CACNA2D3: variants seen among roughly 807,000 people sequenced by gnomAD.
CACNA2D3 encodes voltage-dependent calcium channel subunit alpha-2/delta-3.
CACNA2D3 carries 60 observed loss-of-function variants against 160.6 expected under a neutral mutation model. That is an observed-to-expected ratio of 0.37 (90% CI 0.30 to 0.46). The LOEUF is 0.46. Among genes scored for constraint, CACNA2D3 ranks in the 20% least tolerant of loss-of-function variants. The probability of loss-of-function intolerance (pLI) is 1.00; values close to 1 mark genes in which losing one functional copy is unlikely to be tolerated. For synonymous variants in CACNA2D3, 558 were observed against 492.9 expected, an observed-to-expected ratio of 1.13 and a Z score of -1.75; for missense variants, 1,205 against 1,365.0, an observed-to-expected ratio of 0.88 and a Z score of 1.85.
At chr3:54,385,905 G>A (rs1204222755) in intron 3 of CACNA2D3, 2 of 505,294 alleles carry the variant, frequency 4.0e-6, no homozygotes, top group Non-Finnish European at 7.9e-6. Flanking sequence ...TAATTTCAGT[G>A]AAATATTATT....
intron 11 of CACNA2D3, among the ~76,000 whole-genome samples, chr3:54,745,590 C>G (rs1701739931): frequency 6.6e-6 from 1 of 152,200 alleles, no homozygotes; most frequent in Non-Finnish European, 1.5e-5. Context: ...GCTGGATAGT[C>G]TAATAAATTG....
At chr3:54,911,342 C>T (rs1700550931) in intron 27 of CACNA2D3, among the ~76,000 whole-genome samples, 3 of 72,518 alleles carry the variant, frequency 4.1e-5, no homozygotes, top group African/African-American at 1.5e-4. Flanking sequence ...CCCCCTCCTT[C>T]TTTGTCGTCT....
chr3:54,140,681 C>T lies in CACNA2D3; in HGVS notation c.204+17087C>T, dbSNP rs542991729. On this transcript the variant is annotated intron_variant, in intron 2 of 37. Transcript: ENST00000474759. ...TAGCTGTGTGGCCTTAGGCAAGTCACGTCACCTCTCTGGGTTGCACACCCA... is the reference window on the plus strand; with the variant it reads ...TAGCTGTGTGGCCTTAGGCAAGTCATGTCACCTCTCTGGGTTGCACACCCA... Among the ~76,000 whole-genome samples the T allele has an allele frequency of 5.9e-5, 9 of 152,336 alleles. 1 individual carries two copies. The South Asian group carries it at 6.2e-4, about 11-fold the overall frequency.
At chr3:54,656,636 G>T (rs1699878775) in intron 11 of CACNA2D3, among the ~76,000 whole-genome samples, 1 of 152,160 alleles carries the variant, frequency 6.6e-6, no homozygotes, top group Admixed American at 6.5e-5. Flanking sequence ...AAAATTAGGG[G>T]CCCACAGGCC....
At chr3:54,305,068 T>TG (rs1324496069) in intron 2 of CACNA2D3, among the ~76,000 whole-genome samples, 1 of 152,234 alleles carries the variant, frequency 6.6e-6, no homozygotes, top group Non-Finnish European at 1.5e-5. Flanking sequence ...ACGTAGCAGC[T>TG]GTGGACAAAG....
chr3:54,971,097 T>G (rs760828451), intron 29 of CACNA2D3, among the ~76,000 whole-genome samples: 2 of 151,784 alleles, frequency 1.3e-5, no homozygotes, highest in African/African-American at 4.9e-5. Context: ...ATAATCATTG[T>G]ATGAGTCACA....
intron 13 of CACNA2D3, among the ~76,000 whole-genome samples, chr3:54,768,927 G>A (rs1450064580): frequency 6.6e-6 from 1 of 152,084 alleles, no homozygotes; most frequent in Non-Finnish European, 1.5e-5. Flanking sequence ...TCCTCTTCAT[G>A]GTGTTGAGCA....
At chr3:55,067,687 C>G (rs563512569) in intron 35 of CACNA2D3, among the ~76,000 whole-genome samples, 14 of 152,214 alleles carry the variant, frequency 9.2e-5, no homozygotes, top group African/African-American at 3.4e-4. Context: ...TGTAACCTTC[C>G]TGACCTTTAT....
chr3:54,143,268 A>G (rs1699969760), intron 2 of CACNA2D3, among the ~76,000 whole-genome samples: 1 of 152,220 alleles, frequency 6.6e-6, no homozygotes, highest in South Asian at 2.1e-4. Flanking sequence ...GATGTTTTGT[A>G]TGATGGCACG....
intron 4 of CACNA2D3, among the ~76,000 whole-genome samples, chr3:54,462,504 G>T (rs1700525958): frequency 2.0e-5 from 3 of 152,128 alleles, no homozygotes; most frequent in Non-Finnish European, 4.4e-5. Context: ...TCTTCTTGTT[G>T]AATTGATCCC....
chr3:54,965,339 A>C (rs1029654949), intron 27 of CACNA2D3, among the ~76,000 whole-genome samples: 2 of 152,162 alleles, frequency 1.3e-5, no homozygotes, highest in African/African-American at 4.8e-5. Context: ...TCAAGCCTCC[A>C]AACAAATGAT....
chr3:54,818,202 T>C (rs1044328696), intron 14 of CACNA2D3, among the ~76,000 whole-genome samples: 3 of 152,230 alleles, frequency 2.0e-5, no homozygotes, highest in Non-Finnish European at 4.4e-5. Context: ...TTTTATTTTA[T>C]TTTTTGAGAC....
At chr3:54,879,509 C>T (rs1699742387) in intron 20 of CACNA2D3, 98 bp downstream of exon 20, 1 of 877,790 alleles carries the variant, frequency 1.1e-6, no homozygotes, top group Middle Eastern at 2.3e-4. Context: ...CTGAAGATAA[C>T]CAAACACCCT....
chr3:54,133,315 G>C (rs1176544380), intron 2 of CACNA2D3, among the ~76,000 whole-genome samples: 1 of 152,170 alleles, frequency 6.6e-6, no homozygotes, highest in African/African-American at 2.4e-5. Flanking sequence ...TAACATCTGA[G>C]ACAGAGGATG....
In CACNA2D3 at chr3:54,333,386, G is replaced by A. The variant is rs564435619; in HGVS notation, c.321+12828G>A. ...CATTTCTGTGTCTGCACTGCTCATTGGCCGCCTCCCTTTCCCTTTGTGTCT... is the reference window on the plus strand; with the variant it reads ...CATTTCTGTGTCTGCACTGCTCATTAGCCGCCTCCCTTTCCCTTTGTGTCT... On this transcript the variant is annotated intron_variant, in intron 3 of 37. Coordinates refer to ENST00000474759, the MANE Select transcript of CACNA2D3 (RefSeq NM_018398.3). Among the ~76,000 whole-genome samples the A allele has an allele frequency of 4.6e-5, 7 of 152,150 alleles. No homozygotes were observed. In the South Asian group the frequency reaches 1.5e-3, roughly 32 times the overall value.
At chr3:54,352,160 A>G in intron 3 of CACNA2D3, among the ~76,000 whole-genome samples, 1 of 152,216 alleles carries the variant, frequency 6.6e-6, no homozygotes, top group South Asian at 2.1e-4. Flanking sequence ...AAAGGGTCAC[A>G]GGATAGCAGG....
chr3:54,918,689 C>G (rs760898032), intron 27 of CACNA2D3: 1 of 1,614,178 alleles, frequency 6.2e-7, no homozygotes, highest in Non-Finnish European at 8.5e-7. Context: ...AGCTCGCACT[C>G]CAAGAGTTCT....
intron 2 of CACNA2D3, among the ~76,000 whole-genome samples, chr3:54,240,341 G>C (rs1459395898): frequency 1.3e-5 from 2 of 152,160 alleles, no homozygotes; most frequent in Admixed American, 1.3e-4. Flanking sequence ...GATCAGGGAT[G>C]ATAAGCAAGT....
At chr3:54,725,598 G>T (rs996167988) in intron 11 of CACNA2D3, among the ~76,000 whole-genome samples, 10 of 152,284 alleles carry the variant, frequency 6.6e-5, no homozygotes, top group East Asian at 1.9e-4. Flanking sequence ...GGGATGCAAG[G>T]TTGGTTCAAC....
Sources: gnomAD v4.1 joint callset for allele counts (sites outside exome capture counted in the v4.1 genomes callset) on GRCh38, gnomAD v4.1.1 for gene constraint, MANE v1.5 for transcripts, NCBI Gene and HGNC (gene_info 2026-07-23, HGNC 2026-07-21) for gene names.